The following OSBPL10 variants were observed in gnomAD, a reference collection of about 807,000 sequenced individuals.
The protein encoded by OSBPL10 is oxysterol binding protein like 10.
OSBPL10 carries 49 observed loss-of-function variants against 81.7 expected under a neutral mutation model. That is an observed-to-expected ratio of 0.60 (90% CI 0.48 to 0.76). The LOEUF is 0.76. Among genes scored for constraint, OSBPL10 ranks in the 30% least tolerant of loss-of-function variants. OSBPL10 has a pLI of 0.00. For synonymous variants in OSBPL10, 419 were observed against 383.6 expected (o/e 1.09, Z -1.08); for missense variants, 923 against 987.8 (o/e 0.93, Z 0.88).
At chr3:31,721,125 G>T (rs1696630871) in intron 6 of OSBPL10, among the ~76,000 whole-genome samples, 1 of 152,130 alleles carries the variant, frequency 6.6e-6, no homozygotes, top group Admixed American at 6.6e-5. Flanking sequence ...CAGGGTCAAT[G>T]CTGTTGGCTC....
intron 2 of OSBPL10, among the ~76,000 whole-genome samples, chr3:32,018,799 A>G (rs1013127712): frequency 1.3e-5 from 2 of 152,220 alleles, no homozygotes; most frequent in African/African-American, 4.8e-5. Flanking sequence ...ACCAAAAGAA[A>G]AAAAGGTAGT....
chr3:31,814,074 G>A lies in OSBPL10; in HGVS notation c.729+15966C>T, dbSNP rs763696506. 2.0e-5 allele frequency among the ~76,000 whole-genome samples: 3 copies of A among 152,244 alleles called. No homozygotes were observed. The South Asian group carries it at 6.2e-4, about 32-fold the overall frequency. On this transcript the variant is annotated intron_variant, in intron 4 of 11. Transcript: ENST00000396556. ...CAGCCTCTCTCCTCCTAGGGCAAACGTTAGTGGGGACAAGAGAGAACCCAG... is the reference window on the plus strand; with the variant it reads ...CAGCCTCTCTCCTCCTAGGGCAAACATTAGTGGGGACAAGAGAGAACCCAG...
intron 4 of OSBPL10, among the ~76,000 whole-genome samples, chr3:31,804,063 T>G (rs1343775097): frequency 6.6e-6 from 1 of 152,220 alleles, no homozygotes; most frequent in Non-Finnish European, 1.5e-5. Flanking sequence ...CTAACATTAG[T>G]GTACATCAAT....
At chr3:31,878,886 TCATTA>T (rs1276395728) in intron 2 of OSBPL10, among the ~76,000 whole-genome samples, 1 of 151,986 alleles carries the variant, frequency 6.6e-6, no homozygotes, top group East Asian at 1.9e-4. Flanking sequence ...TTGTTTCATT[TCATTA>T]TTTTATTAGA....
chr3:31,963,081 G>C (rs1559533782), intron 1 of OSBPL10, among the ~76,000 whole-genome samples: 1 of 152,036 alleles, frequency 6.6e-6, no homozygotes, highest in Non-Finnish European at 1.5e-5. Context: ...ACTTACCAAA[G>C]AGTTGCAAGA....
intron 1 of OSBPL10, chr3:31,906,920 G>C (rs1321346164): frequency 6.6e-6 from 1 of 152,240 alleles, no homozygotes; most frequent in African/African-American, 2.4e-5. Context: ...ACCCATTTCT[G>C]TAGAAGGTTT....
chr3:31,751,165 CAAACAACAACAACA>C (rs1013027189), intron 4 of OSBPL10, among the ~76,000 whole-genome samples: 10 of 151,872 alleles, frequency 6.6e-5, no homozygotes, highest in African/African-American at 2.4e-4. Flanking sequence ...CAAAAACAAA[CAAACAACAACAACA>C]AAACAACAAC....
intron 3 of OSBPL10, among the ~76,000 whole-genome samples, chr3:31,846,459 A>C (rs2125565400): frequency 6.6e-6 from 1 of 152,194 alleles, no homozygotes; most frequent in African/African-American, 2.4e-5. Flanking sequence ...CCCCGTCTCT[A>C]CTAAAAATAC....
intron 1 of OSBPL10, among the ~76,000 whole-genome samples, chr3:31,964,567 G>A (rs1158597227): frequency 6.6e-6 from 1 of 152,144 alleles, no homozygotes; most frequent in Non-Finnish European, 1.5e-5. Flanking sequence ...ACTTGACGAG[G>A]TAAATAACAT....
intron 1 of OSBPL10, among the ~76,000 whole-genome samples, chr3:31,913,296 T>G (rs1696646450): frequency 6.6e-6 from 1 of 151,978 alleles, no homozygotes; most frequent in Non-Finnish European, 1.5e-5. Context: ...TCGCCCAGGC[T>G]GGAGTACAGT....
intron 2 of OSBPL10, among the ~76,000 whole-genome samples, chr3:32,017,051 G>A (rs146311361): frequency 8.7e-4 from 133 of 152,240 alleles, no homozygotes; most frequent in African/African-American, 3.1e-3. Context: ...AAATTTTTTA[G>A]TTCAAAGTTT....
At chr3:31,783,118 T>TATATATATATATATATAC (rs1698743792) in intron 4 of OSBPL10, among the ~76,000 whole-genome samples, 1 of 19,206 alleles carries the variant, frequency 5.2e-5, no homozygotes, top group African/African-American at 1.5e-4. Flanking sequence ...CTATTATATA[T>TATATATATATATATATAC]ATATATATAT....
intron 6 of OSBPL10, among the ~76,000 whole-genome samples, chr3:31,713,195 C>A (rs183685916): frequency 6.6e-6 from 1 of 152,166 alleles, no homozygotes; most frequent in Non-Finnish European, 1.5e-5. Flanking sequence ...AGGCCCTACA[C>A]GATGTTGCCC....
In OSBPL10 at chr3:31,843,255, G is replaced by A. The variant is rs72850529; in HGVS notation, c.538-13024C>T. 5.9e-3 allele frequency among the ~76,000 whole-genome samples: 903 copies of A among 152,314 alleles called. 12 individuals are homozygous for A. Among genetic ancestry groups the A allele is most frequent in the African/African-American group, 0.02 (850 of 41,570 alleles). On this transcript the variant is annotated intron_variant, in intron 3 of 11. Coordinates refer to ENST00000396556, the MANE Select transcript of OSBPL10 (RefSeq NM_017784.5). ...AACCCCACCTACCTCCCACCTTGGG[G>A]CAGCCCTTGATCAATGGGAGATGGG...
chr3:31,816,873 A>G (rs1699847723), intron 4 of OSBPL10, among the ~76,000 whole-genome samples: 1 of 151,992 alleles, frequency 6.6e-6, no homozygotes, highest in Non-Finnish European at 1.5e-5. Context: ...TGCCAGTAGG[A>G]TGTCTCCGCA....
intron 1 of OSBPL10, among the ~76,000 whole-genome samples, chr3:31,977,802 T>C (rs534819114): frequency 1.3e-5 from 2 of 152,300 alleles, no homozygotes; most frequent in East Asian, 3.9e-4. Context: ...CTGAAATATT[T>C]TCTTTAAATA....
At chr3:31,889,649 G>A (rs1032278596) in intron 1 of OSBPL10, among the ~76,000 whole-genome samples, 7 of 152,030 alleles carry the variant, frequency 4.6e-5, no homozygotes, top group Non-Finnish European at 8.8e-5. Flanking sequence ...GATACTAGGG[G>A]CTGGGAAGGG....
chr3:31,755,076 C>A (rs1419889100), intron 4 of OSBPL10, among the ~76,000 whole-genome samples: 1 of 152,124 alleles, frequency 6.6e-6, no homozygotes, highest in African/African-American at 2.4e-5. Context: ...TCATCTCCTG[C>A]CTCTGGAGCC....
At chr3:31,868,259 A>G (rs1701231679) in intron 3 of OSBPL10, among the ~76,000 whole-genome samples, 1 of 152,178 alleles carries the variant, frequency 6.6e-6, no homozygotes. Context: ...AATATTCATA[A>G]TCTTGAAAAA....
Sources: gnomAD v4.1 joint callset for allele counts (sites outside exome capture counted in the v4.1 genomes callset) on GRCh38, gnomAD v4.1.1 for gene constraint, MANE v1.5 for transcripts, NCBI Gene and HGNC (gene_info 2026-07-23, HGNC 2026-07-21) for gene names.